Variants in RAD51B observed in about 807,000 individuals in gnomAD.
The protein encoded by RAD51B is DNA repair protein RAD51 homolog 2.
RAD51B carries 38 observed loss-of-function variants against 42.2 expected under a neutral mutation model. The ratio of observed to expected loss-of-function variants is 0.90; its 90% CI spans 0.70 to 1.18. RAD51B has a LOEUF of 1.18. Ranked by LOEUF, RAD51B falls within the 50% of genes most tolerant of loss-of-function variation. RAD51B has a pLI of 0.00. For missense variants in RAD51B, 373 were observed against 400.7 expected, an observed-to-expected ratio of 0.93 and a Z score of 0.59; for synonymous variants, 154 against 145.2, an observed-to-expected ratio of 1.06 and a Z score of -0.43.
intron 11 of RAD51B, among the ~76,000 whole-genome samples, chr14:68,668,146 T>C (rs1566967981): frequency 6.6e-6 from 1 of 152,218 alleles, no homozygotes; most frequent in Non-Finnish European, 1.5e-5. Context: ...TTCTCCCCAG[T>C]TACCTGCTAA....
chr14:68,162,902 G>T (rs1294632331), intron 7 of RAD51B, among the ~76,000 whole-genome samples: 1 of 152,244 alleles, frequency 6.6e-6, no homozygotes, highest in Non-Finnish European at 1.5e-5. Context: ...TTTTCTTCCT[G>T]TAAGCATGTG....
intron 7 of RAD51B, among the ~76,000 whole-genome samples, chr14:67,892,820 T>C (rs1016188045): frequency 3.9e-5 from 6 of 152,354 alleles, no homozygotes; most frequent in East Asian, 1.9e-4. Context: ...GAGTGAACTT[T>C]CCTGGTTGAC....
At chr14:68,540,949 C>A (rs1244462572) in intron 10 of RAD51B, 32 of 985,300 alleles carry the variant, frequency 3.2e-5, no homozygotes, top group South Asian at 4.7e-5. Flanking sequence ...CTTTCTTCAC[C>A]CACAACTATA....
At chr14:68,417,622 A>G (rs941258557) in intron 9 of RAD51B, among the ~76,000 whole-genome samples, 1 of 152,224 alleles carries the variant, frequency 6.6e-6, no homozygotes, top group Non-Finnish European at 1.5e-5. Flanking sequence ...AGGAAATCCT[A>G]CGGAAAGTGT....
intron 7 of RAD51B, among the ~76,000 whole-genome samples, chr14:68,031,731 A>T (rs760028483): frequency 6.6e-6 from 1 of 152,188 alleles, no homozygotes; most frequent in Non-Finnish European, 1.5e-5. Context: ...CACTCTTCTC[A>T]AACATCTTAC....
At chr14:67,949,057 C>G (rs2074393067) in intron 7 of RAD51B, among the ~76,000 whole-genome samples, 1 of 151,704 alleles carries the variant, frequency 6.6e-6, no homozygotes. Flanking sequence ...GTGGAGGGTC[C>G]CCTCTCAATG....
At chr14:68,508,803 G>A (rs1343535803) in intron 10 of RAD51B, among the ~76,000 whole-genome samples, 2 of 152,230 alleles carry the variant, frequency 1.3e-5, no homozygotes, top group East Asian at 3.9e-4. Flanking sequence ...GCCCCTGAAA[G>A]CCTTGGAAGG....
intron 7 of RAD51B, among the ~76,000 whole-genome samples, chr14:67,968,776 G>A (rs2074836760): frequency 6.6e-6 from 1 of 152,092 alleles, no homozygotes; most frequent in Admixed American, 6.5e-5. Flanking sequence ...CCTTCAAACT[G>A]TTCCAACCTC....
At chr14:68,606,545 A>C (rs1279224213) in intron 10 of RAD51B, among the ~76,000 whole-genome samples, 1 of 152,152 alleles carries the variant, frequency 6.6e-6, no homozygotes, top group Non-Finnish European at 1.5e-5. Flanking sequence ...GAGTGTAGAA[A>C]TGAGGCTCTG....
At chr14:67,839,852 T>C (rs1228833755) in intron 4 of RAD51B, among the ~76,000 whole-genome samples, 1 of 152,120 alleles carries the variant, frequency 6.6e-6, no homozygotes, top group Non-Finnish European at 1.5e-5. Context: ...AGATATAGTA[T>C]TTCCATTTTC....
chr14:68,422,343 A>G, intron 9 of RAD51B: 2 of 475,090 alleles, frequency 4.2e-6, no homozygotes, highest in South Asian at 3.8e-5. Flanking sequence ...CAGGTGGATC[A>G]CGAGGTCAGG....
At chr14:67,989,174 A>G (rs538306397) in intron 7 of RAD51B, among the ~76,000 whole-genome samples, 59 of 152,348 alleles carry the variant, frequency 3.9e-4, no homozygotes, top group Admixed American at 1.4e-3. Context: ...TGAAAGCCTT[A>G]GACTACATGA....
chr14:68,524,627 G>A (rs142628704), intron 10 of RAD51B, among the ~76,000 whole-genome samples: 5 of 152,264 alleles, frequency 3.3e-5, no homozygotes, highest in African/African-American at 1.2e-4. Context: ...GTTAACTCAC[G>A]TTCTCCTACA....
At chr14:68,605,639 G>C (rs1386065702) in intron 10 of RAD51B, among the ~76,000 whole-genome samples, 42 of 152,174 alleles carry the variant, frequency 2.8e-4, no homozygotes, top group Non-Finnish European at 2.4e-4. Flanking sequence ...TTCTCATAAG[G>C]ACAGTAGTCA....
At chr14:68,595,409 A>G in exon 11 of RAD51B, 7 of 1,066,518 alleles carry the variant, frequency 6.6e-6, no homozygotes, top group Non-Finnish European at 6.8e-6. Flanking sequence ...TGAACAAATG[A>G]ATTGAGTATA....
At chr14:68,063,892 T>TA (rs2076608436) in intron 7 of RAD51B, among the ~76,000 whole-genome samples, 1 of 152,240 alleles carries the variant, frequency 6.6e-6, no homozygotes, top group Non-Finnish European at 1.5e-5. Context: ...GGTGAGAACT[T>TA]ACTCTTGTTA....
intron 7 of RAD51B, among the ~76,000 whole-genome samples, chr14:68,281,290 G>A (rs148055607): frequency 6.6e-6 from 1 of 152,200 alleles, no homozygotes; most frequent in African/African-American, 2.4e-5. Context: ...TATAAGCCTT[G>A]GTTTTCCTAT....
rs114826051 is a variant in RAD51B at position 68,626,289 on chromosome 14, A to G, written c.1037-24492A>G. Reference sequence around the variant, plus strand: ...ATGCAGGGGCAAAAAATCCTGATAAATAAAGCCTTTCAAAGTAGCTGAGCT... The same window carrying G: ...ATGCAGGGGCAAAAAATCCTGATAAGTAAAGCCTTTCAAAGTAGCTGAGCT... On this transcript the variant is annotated intron_variant, in intron 10 of 11. Transcript: ENST00000488612. Among the ~76,000 whole-genome samples, 1,274 of 152,320 alleles carry G rather than the reference A, an allele frequency of 8.4e-3. 17 individuals are homozygous for G. Among genetic ancestry groups the G allele is most frequent in the African/African-American group, 0.029 (1,213 of 41,566 alleles).
At chr14:67,983,692 T>G (rs1595204207) in intron 7 of RAD51B, among the ~76,000 whole-genome samples, 2 of 152,208 alleles carry the variant, frequency 1.3e-5, no homozygotes, top group South Asian at 4.1e-4. Flanking sequence ...AGTCTAGTTT[T>G]TGTTTTTTAA....
Sources: gnomAD v4.1 joint callset for allele counts (sites outside exome capture counted in the v4.1 genomes callset) on GRCh38, gnomAD v4.1.1 for gene constraint, MANE v1.5 for transcripts, NCBI Gene and HGNC (gene_info 2026-07-23, HGNC 2026-07-21) for gene names.